Variants in TXNDC16 observed in about 807,000 individuals in gnomAD.
TXNDC16 encodes the protein thioredoxin domain containing 16, also known as thioredoxin domain-containing protein 16.
TXNDC16 carries 74 observed loss-of-function variants against 85.6 expected under a neutral mutation model. The observed-to-expected ratio is 0.86, with a 90% confidence interval of 0.72 to 1.05. TXNDC16 has a LOEUF of 1.05. Ranked by LOEUF, TXNDC16 falls within the 50% of genes least tolerant of loss-of-function variation. The pLI is 0.00. For synonymous variants in TXNDC16, 335 were observed against 326.5 expected (o/e 1.03, Z -0.28); for missense variants, 959 against 947.0 (o/e 1.01, Z -0.17).
At chr14:52,525,892 A>G (rs541658144) in intron 6 of TXNDC16, among the ~76,000 whole-genome samples, 1 of 152,048 alleles carries the variant, frequency 6.6e-6, no homozygotes, top group East Asian at 1.9e-4. Context: ...GCTATAACCT[A>G]CACACATCTT....
chr14:52,466,595 G>A (rs1048877366), intron 16 of TXNDC16, among the ~76,000 whole-genome samples: 7 of 151,818 alleles, frequency 4.6e-5, no homozygotes, highest in African/African-American at 9.7e-5. Flanking sequence ...GGCCAGGCGC[G>A]GTGGCTCATG....
chr14:52,507,100 A>G (rs1594740327), intron 9 of TXNDC16, among the ~76,000 whole-genome samples: 9 of 152,170 alleles, frequency 5.9e-5, no homozygotes, highest in Admixed American at 5.9e-4. Context: ...AGGGTATTCA[A>G]TCAGGAAAAG....
chr14:52,431,273 T>C lies in TXNDC16; in HGVS notation c.*1031A>G, dbSNP rs1215106702. 1.3e-5 allele frequency: 2 copies of C among 152,244 alleles called. No individual in the cohort carries two copies. The highest frequency in any genetic ancestry group is 1.9e-4 in the East Asian group (1 of 5,198). 9.4% of individuals were successfully genotyped at this position (152,244 alleles called of 1,614,324 possible). A position where few individuals can be genotyped will look rare whatever the true frequency, so the allele number is the denominator to read the frequency against. On this transcript the variant is annotated 3_prime_UTR_variant, in exon 21 of 21. Transcript: ENST00000281741. ...GACGCTTCAGATGAGGGAGCCTCTC[T>C]TTCCATGAGGAGATGGCAGAATGCT...
chr14:52,495,888 G>T (rs1020823647), intron 9 of TXNDC16, among the ~76,000 whole-genome samples: 4 of 152,050 alleles, frequency 2.6e-5, no homozygotes, highest in Admixed American at 6.6e-5. Flanking sequence ...CGGCCACCAT[G>T]GTGGCTCACG....
chr14:52,546,790 A>T lies in TXNDC16; in HGVS notation c.-181-2419T>A, dbSNP rs573668587. ...GCATATAAACTAGAAGTGAGATGCC[A>T]CCTTAACGAAAACTCCAAAACACTG... On this transcript the variant is annotated intron_variant, in intron 1 of 20. Transcript: ENST00000281741. Among the ~76,000 whole-genome samples the T allele has an allele frequency of 1.1e-3, 162 of 152,376 alleles. No individual in the cohort carries two copies. In the South Asian group the frequency reaches 0.013, roughly 12 times the overall value.
chr14:52,479,936 C>A (rs2036107314), intron 14 of TXNDC16, among the ~76,000 whole-genome samples: 1 of 151,990 alleles, frequency 6.6e-6, no homozygotes, highest in African/African-American at 2.4e-5. Context: ...CCAGAGTCAC[C>A]AAAACAGTGT....
intron 7 of TXNDC16, among the ~76,000 whole-genome samples, chr14:52,516,643 G>C (rs1162762096): frequency 6.6e-6 from 1 of 152,036 alleles, no homozygotes; most frequent in African/African-American, 2.4e-5. Context: ...TTCAGTTCTG[G>C]GAAATTTTCT....
intron 14 of TXNDC16, among the ~76,000 whole-genome samples, chr14:52,475,807 G>A (rs371898861): frequency 1.3e-5 from 2 of 152,140 alleles, no homozygotes; most frequent in East Asian, 1.9e-4. Context: ...TGTTCCTCCC[G>A]ATACCAATGC....
At chr14:52,511,207 A>G in intron 9 of TXNDC16, 33 bp downstream of exon 9, 1 of 1,446,986 alleles carries the variant, frequency 6.9e-7, no homozygotes, top group Non-Finnish European at 9.2e-7. Context: ...CAGGCAGTAG[A>G]AAGCAAATAA....
At chr14:52,515,135 A>C (rs1360195537) in intron 7 of TXNDC16, among the ~76,000 whole-genome samples, 165 bp from the exon 8 acceptor site, 1 of 152,190 alleles carries the variant, frequency 6.6e-6, no homozygotes, top group Non-Finnish European at 1.5e-5. Context: ...AGTTAAAAGA[A>C]GTTATAAAAA....
intron 2 of TXNDC16, among the ~76,000 whole-genome samples, 173 bp downstream of exon 2, chr14:52,544,091 G>A (rs2037891983): frequency 6.6e-6 from 1 of 151,936 alleles, no homozygotes; most frequent in African/African-American, 2.4e-5. Flanking sequence ...TTAAAACAAT[G>A]GAAGAACATT....
chr14:52,476,266 A>C (rs2036018400), intron 14 of TXNDC16, among the ~76,000 whole-genome samples: 1 of 152,136 alleles, frequency 6.6e-6, no homozygotes, highest in Non-Finnish European at 1.5e-5. Context: ...TGACAAAGCA[A>C]GATTCTTTAA....
At chr14:52,497,785 G>A (rs1417049596) in intron 9 of TXNDC16, among the ~76,000 whole-genome samples, 1 of 151,054 alleles carries the variant, frequency 6.6e-6, no homozygotes, top group African/African-American at 2.4e-5. Context: ...GAAGGCTGAA[G>A]CAGGAGAATC....
intron 8 of TXNDC16, among the ~76,000 whole-genome samples, chr14:52,514,308 C>A (rs2037027066): frequency 6.6e-6 from 1 of 152,108 alleles, no homozygotes; most frequent in Admixed American, 6.6e-5. Flanking sequence ...CATACAATCA[C>A]CATTGTGCCC....
At chr14:52,550,252 A>G (rs2038017961) in intron 1 of TXNDC16, among the ~76,000 whole-genome samples, 1 of 152,222 alleles carries the variant, frequency 6.6e-6, no homozygotes, top group African/African-American at 2.4e-5. Flanking sequence ...CAACAAATGG[A>G]GTATATAACG....
intron 1 of TXNDC16, among the ~76,000 whole-genome samples, chr14:52,548,703 G>A (rs1187643096): frequency 2.6e-5 from 4 of 152,014 alleles, no homozygotes; most frequent in East Asian, 1.9e-4. Context: ...CCAACATGAT[G>A]AAACCTGTCT....
chr14:52,440,765 G>C, intron 18 of TXNDC16, 41 bp from the exon 19 acceptor site: 1 of 1,570,312 alleles, frequency 6.4e-7, no homozygotes, highest in Non-Finnish European at 8.7e-7. Context: ...AAATGCATTG[G>C]GGATGATAAT....
At chr14:52,542,475 G>T in intron 3 of TXNDC16, 22 bp from the exon 4 acceptor site, 1 of 1,521,276 alleles carries the variant, frequency 6.6e-7, no homozygotes, top group Non-Finnish European at 9.1e-7. Context: ...AATGTTTCAT[G>T]AATGTTTATG....
intron 9 of TXNDC16, among the ~76,000 whole-genome samples, chr14:52,509,961 A>ACAGAGC (rs1246505414): frequency 4.0e-5 from 6 of 151,738 alleles, no homozygotes; most frequent in Non-Finnish European, 8.8e-5. Context: ...AGCCTGGGAA[A>ACAGAGC]CAGAGCGAGA....
Sources: allele counts gnomAD v4.1 joint callset (sites outside exome capture counted in the v4.1 genomes callset), GRCh38; gene constraint gnomAD v4.1.1; transcripts MANE v1.5; gene names NCBI Gene and HGNC (gene_info 2026-07-23, HGNC 2026-07-21).